Variants in PARP8 observed in about 807,000 individuals in gnomAD.
The protein encoded by PARP8 is protein mono-ADP-ribosyltransferase PARP8.
PARP8 carries 51 observed loss-of-function variants against 124.1 expected under a neutral mutation model. The ratio of observed to expected loss-of-function variants is 0.41; its 90% CI spans 0.33 to 0.52. PARP8 has a LOEUF of 0.52. PARP8 is among the 20% of genes least tolerant of loss of function. PARP8 has a pLI of 0.21. For synonymous variants in PARP8, 391 were observed against 361.5 expected, an observed-to-expected ratio of 1.08 and a Z score of -0.93; for missense variants, 860 against 1,018.9, an observed-to-expected ratio of 0.84 and a Z score of 2.12.
intron 2 of PARP8, among the ~76,000 whole-genome samples, chr5:50,721,184 A>G (rs1302188306): frequency 1.3e-5 from 2 of 151,870 alleles, no homozygotes; most frequent in Non-Finnish European, 2.9e-5. Context: ...GAAACTTTCC[A>G]ATGGCAGCAT....
intron 2 of PARP8, among the ~76,000 whole-genome samples, chr5:50,732,989 TG>T (rs1307441934): frequency 1.3e-5 from 2 of 151,874 alleles, no homozygotes; most frequent in Non-Finnish European, 2.9e-5. Context: ...TTCTCATCTG[TG>T]GTCATAGATG....
chr5:50,837,426 T>A (rs1415806763), intron 25 of PARP8, among the ~76,000 whole-genome samples: 2 of 152,150 alleles, frequency 1.3e-5, no homozygotes, highest in Non-Finnish European at 2.9e-5. Context: ...TGGTAACACC[T>A]AGAAGAAGAA....
intron 2 of PARP8, among the ~76,000 whole-genome samples, chr5:50,686,896 A>G (rs1056266204): frequency 3.9e-5 from 6 of 151,994 alleles, no homozygotes; most frequent in African/African-American, 1.4e-4. Context: ...AGACCATGAA[A>G]CCATTTTCTC....
intron 2 of PARP8, among the ~76,000 whole-genome samples, chr5:50,669,940 A>G (rs1036635668): frequency 5.3e-5 from 8 of 152,212 alleles, no homozygotes; most frequent in Non-Finnish European, 1.2e-4. Flanking sequence ...GAGAAAGACA[A>G]TTGGTTAAAC....
intron 9 of PARP8, among the ~76,000 whole-genome samples, chr5:50,784,561 A>G (rs933363509): frequency 1.3e-5 from 2 of 152,150 alleles, no homozygotes; most frequent in African/African-American, 4.8e-5. Context: ...GTGCATTAGA[A>G]TAATTTCCAC....
intron 2 of PARP8, among the ~76,000 whole-genome samples, chr5:50,676,735 T>C (rs1375586726): frequency 6.6e-6 from 1 of 152,228 alleles, no homozygotes; most frequent in Non-Finnish European, 1.5e-5. Flanking sequence ...AAAAAATCAA[T>C]GAGAGTATCT....
chr5:50,720,332 A>T (rs1340857908), intron 2 of PARP8, among the ~76,000 whole-genome samples: 1 of 152,078 alleles, frequency 6.6e-6, no homozygotes, highest in African/African-American at 2.4e-5. Flanking sequence ...GGCAATTATA[A>T]TAATAAAAAG....
intron 7 of PARP8, among the ~76,000 whole-genome samples, chr5:50,775,146 T>C (rs1739837594): frequency 6.6e-6 from 1 of 151,902 alleles, no homozygotes; most frequent in African/African-American, 2.4e-5. Context: ...CCTCACTTCC[T>C]AGACAGGGTG....
At chr5:50,820,715 C>CAACAGGAAGGT (rs1293315169) in intron 15 of PARP8, among the ~76,000 whole-genome samples, 1 of 152,212 alleles carries the variant, frequency 6.6e-6, no homozygotes, top group Non-Finnish European at 1.5e-5. Context: ...TCCTTCCTGA[C>CAACAGGAAGGT]CCCGTACAGG....
intron 2 of PARP8, among the ~76,000 whole-genome samples, chr5:50,679,176 AGTG>A (rs1561234107): frequency 6.6e-6 from 1 of 152,194 alleles, no homozygotes; most frequent in Non-Finnish European, 1.5e-5. Context: ...AAGCAGCAAT[AGTG>A]TACACTGATC....
chr5:50,793,037 C>G (rs1182432961), intron 10 of PARP8, among the ~76,000 whole-genome samples: 1 of 152,128 alleles, frequency 6.6e-6, no homozygotes, highest in Non-Finnish European at 1.5e-5. Context: ...TACTACTACT[C>G]TGTCACTTGT....
Position 50,845,584 on chromosome 5 carries a change from G to T in PARP8, c.*3516G>T, listed in dbSNP as rs544804727. On this transcript the variant is annotated 3_prime_UTR_variant, in exon 26 of 26. Coordinates refer to ENST00000281631, the MANE Select transcript of PARP8 (RefSeq NM_024615.4). ...AAGTCATCAAATAATTCAACAGGAA[G>T]ACCATACTGGACACAGATGTTGTCA... The T allele has an allele frequency of 6.6e-6, 1 of 151,888 alleles. No homozygotes were observed. Among genetic ancestry groups the T allele is most frequent in the South Asian group, 2.1e-4 (1 of 4,822 alleles). The allele number at this position is 151,888 out of a possible 1,614,324, so 9.4% of individuals were successfully genotyped here.
intron 9 of PARP8, among the ~76,000 whole-genome samples, chr5:50,786,560 GTCTC>G (rs1696003151): frequency 6.6e-6 from 1 of 150,654 alleles, no homozygotes; most frequent in African/African-American, 2.4e-5. Flanking sequence ...TAGAGATGGA[GTCTC>G]TCTATGTTTC....
chr5:50,735,940 A>C (rs1013723800), intron 2 of PARP8, among the ~76,000 whole-genome samples: 6 of 149,550 alleles, frequency 4.0e-5, no homozygotes, highest in African/African-American at 7.5e-5. Flanking sequence ...GGATCAAGCC[A>C]GGAGATCTAG....
chr5:50,765,176 C>A lies in PARP8; in HGVS notation c.518+1934C>A, dbSNP rs541015569. Among the ~76,000 whole-genome samples, 26 of 151,866 alleles carry A rather than the reference C, an allele frequency of 1.7e-4. No individual in the cohort carries two copies. The South Asian group carries it at 5.0e-3, about 29-fold the overall frequency. On this transcript the variant is annotated intron_variant, in intron 7 of 25. Coordinates refer to ENST00000281631, the MANE Select transcript of PARP8 (RefSeq NM_024615.4). ...CTCGAGAAGGCTGAGGCAGAAGAAT[C>A]GCTTGAACTCAGGGGGCGGAGGTTG...
At chr5:50,675,588 C>T (rs1021567316) in intron 2 of PARP8, among the ~76,000 whole-genome samples, 10 of 152,176 alleles carry the variant, frequency 6.6e-5, no homozygotes, top group African/African-American at 2.4e-4. Flanking sequence ...GGATTACGGG[C>T]GTGAGCCAGC....
intron 2 of PARP8, among the ~76,000 whole-genome samples, chr5:50,704,619 T>G (rs1753942588): frequency 6.6e-6 from 1 of 152,132 alleles, no homozygotes; most frequent in Non-Finnish European, 1.5e-5. Context: ...AAGTACACAC[T>G]GGATTTGAAA....
chr5:50,674,383 CTG>C (rs1284443345), intron 2 of PARP8, among the ~76,000 whole-genome samples: 1 of 152,216 alleles, frequency 6.6e-6, no homozygotes, highest in Non-Finnish European at 1.5e-5. Context: ...CTTTGAAACA[CTG>C]TTGGCCTCTT....
At chr5:50,773,262 A>C (rs1300125360) in intron 7 of PARP8, among the ~76,000 whole-genome samples, 1 of 152,222 alleles carries the variant, frequency 6.6e-6, no homozygotes, top group Non-Finnish European at 1.5e-5. Flanking sequence ...GACAAATGCC[A>C]TGAAGCATTT....
Sources: gnomAD v4.1 joint callset for allele counts (sites outside exome capture counted in the v4.1 genomes callset) on GRCh38, gnomAD v4.1.1 for gene constraint, MANE v1.5 for transcripts, NCBI Gene and HGNC (gene_info 2026-07-23, HGNC 2026-07-21) for gene names.